Variants in LRRIQ1 observed in about 807,000 individuals in gnomAD.
The protein encoded by LRRIQ1 is leucine-rich repeat- and IQ domain-containing protein 1.
In LRRIQ1, 210 loss-of-function variants were observed where a neutral mutation model predicts 211.9. The observed-to-expected ratio is 0.99, with a 90% CI of 0.89 to 1.11. The LOEUF is 1.11. LRRIQ1 is among the 50% of genes most tolerant of loss of function. The probability of loss-of-function intolerance (pLI) is 0.00; values close to 1 mark genes in which losing one functional copy is unlikely to be tolerated. For missense variants in LRRIQ1, 2,136 were observed against 1,939.5 expected, an observed-to-expected ratio of 1.10 and a Z score of -1.90; for synonymous variants, 699 against 650.1, an observed-to-expected ratio of 1.08 and a Z score of -1.14.
At chr12:85,229,074 T>C (rs978275899) in intron 24 of LRRIQ1, among the ~76,000 whole-genome samples, 1 of 152,154 alleles carries the variant, frequency 6.6e-6, no homozygotes, top group African/African-American at 2.4e-5. Context: ...CTCAGTTTTA[T>C]GTAAATGAAA....
At chr12:85,250,644 G>T (rs1332390005) in intron 1 of LRRIQ1, among the ~76,000 whole-genome samples, 1 of 149,124 alleles carries the variant, frequency 6.7e-6, no homozygotes, top group Non-Finnish European at 1.5e-5. Flanking sequence ...GGAAGCTGAG[G>T]TAGGAGGATC....
intron 26 of LRRIQ1, among the ~76,000 whole-genome samples, chr12:85,235,800 A>G (rs1460885293): frequency 6.6e-6 from 1 of 152,164 alleles, no homozygotes. Flanking sequence ...ATCTCATCCA[A>G]TATTACAATG....
At chr12:85,197,692 T>C (rs1484937743) in intron 24 of LRRIQ1, among the ~76,000 whole-genome samples, 1 of 150,192 alleles carries the variant, frequency 6.7e-6, no homozygotes, top group Non-Finnish European at 1.5e-5. Context: ...GTGGTGGGAG[T>C]GGGGAGGGAT....
In LRRIQ1 at chr12:85,103,145, G is replaced by A. The variant is rs78464450; in HGVS notation, c.3210-859G>A. On this transcript the variant is annotated intron_variant, in intron 13 of 26. Coordinates refer to ENST00000393217, the MANE Select transcript of LRRIQ1 (RefSeq NM_001079910.2). ...AAGTAGAGTTAATTTACCCTTTATA[G>A]CTTTTGTTTCCAATGACGTGGGTAT... 7.5e-3 allele frequency among the ~76,000 whole-genome samples: 1,130 copies of A among 150,140 alleles called. 18 individuals carry two copies. Among genetic ancestry groups the A allele is most frequent in the African/African-American group, 0.026 (1,063 of 41,104 alleles).
downstream of LRRIQ1, among the ~76,000 whole-genome samples, chr12:85,266,693 C>G (rs1807202636): frequency 6.6e-6 from 1 of 152,118 alleles, no homozygotes; most frequent in South Asian, 2.1e-4. Flanking sequence ...CAGTACAGAA[C>G]AATGCATAAG....
chr12:85,097,423 C>A (rs1288417490), intron 11 of LRRIQ1, among the ~76,000 whole-genome samples: 2 of 151,576 alleles, frequency 1.3e-5, no homozygotes, highest in Non-Finnish European at 2.9e-5. Flanking sequence ...CCCACCCTAC[C>A]ACAGGCCCCA....
chr12:85,143,317 T>C (rs1889670472), intron 19 of LRRIQ1, among the ~76,000 whole-genome samples: 1 of 151,704 alleles, frequency 6.6e-6, no homozygotes, highest in Non-Finnish European at 1.5e-5. Flanking sequence ...TGTTGTTTGT[T>C]ATTGAGTTGT....
intron 24 of LRRIQ1, among the ~76,000 whole-genome samples, chr12:85,203,107 C>T (rs889707804): frequency 2.0e-5 from 3 of 152,062 alleles, no homozygotes; most frequent in Admixed American, 6.6e-5. Flanking sequence ...GCAGCTTCCC[C>T]CATAGTGTTC....
chr12:85,262,942 C>T, exon 2 of LRRIQ1: 1 of 986,140 alleles, frequency 1.0e-6, no homozygotes, highest in South Asian at 4.7e-5. Flanking sequence ...ATACCAATAT[C>T]GCCAATAATA....
rs1186744707 is a variant in LRRIQ1, at chr12:85,046,918, C to T, written c.455-329C>T. On this transcript the variant is annotated intron_variant, in intron 5 of 26. Coordinates refer to ENST00000393217, the MANE Select transcript of LRRIQ1 (RefSeq NM_001079910.2). ...ATTGCAAGGACAAAAAACCAAAAAC[C>T]GCATGTTCTCACTCATCGGTGGGAA... Among the ~76,000 whole-genome samples the T allele has an allele frequency of 4.6e-5, 7 of 150,944 alleles. No homozygotes were observed. The South Asian group carries it at 6.3e-4, about 14-fold the overall frequency.
Position 85,229,548 on chromosome 12 carries a change from C to T in LRRIQ1, c.4854C>T (p.Thr1618=). The change falls in exon 25 of 27, where the codon ACC becomes ACT. Residue 1618 remains threonine, a synonymous_variant. Coordinates refer to ENST00000393217, the MANE Select transcript of LRRIQ1 (RefSeq NM_001079910.2). ...GIEEDPIHKD[T]TANEKLERNR... is the part of the protein sequence containing the mutation. ...AAGAAGACCCTATCCACAAAGATAC[C>T]ACTGCAAATGAAAAATTAGAACGGA... is the stretch of plus-strand genomic sequence containing the variant. 1 of 1,611,886 alleles carries T rather than the reference C, an allele frequency of 6.2e-7. No homozygotes were observed. Among genetic ancestry groups the T allele is most frequent in the Non-Finnish European group, 8.5e-7 (1 of 1,178,796 alleles).
rs772640609 is a variant in LRRIQ1, at chr12:85,153,742, A to G, written c.4621A>G (p.Lys1541Glu). Residue 1541 changes from lysine to glutamate, a missense_variant, in exon 22 of 27, where the codon AAA becomes GAA. Transcript: ENST00000393217. ...KSLLKSEKEK[K>E]ISEEWGFKDI... is the part of the protein sequence containing the mutation. ...TTTGCTAAAATCTGAAAAAGAAAAAAAAATTTCAGAAGAATGGTATGTAGT... is the reference window on the plus strand; with the variant it reads ...TTTGCTAAAATCTGAAAAAGAAAAAGAAATTTCAGAAGAATGGTATGTAGT... 1 of 1,561,392 alleles carries G rather than the reference A, an allele frequency of 6.4e-7. No homozygotes were observed. Among genetic ancestry groups the G allele is most frequent in the Non-Finnish European group, 8.7e-7 (1 of 1,152,698 alleles).
Position 85,044,821 on chromosome 12 carries a change from A to G in LRRIQ1, c.336+12A>G, listed in dbSNP as rs767926716. On this transcript the variant is annotated intron_variant, in intron 4 of 26. Transcript: ENST00000393217. ...AGCAATTAATTAAGGTATATATTCAATATTTGACTTAAAATATTCACTATT... is the reference window on the plus strand; with the variant it reads ...AGCAATTAATTAAGGTATATATTCAGTATTTGACTTAAAATATTCACTATT... The G allele has an allele frequency of 6.5e-6, 8 of 1,221,842 alleles. No individual in the cohort carries two copies. Among genetic ancestry groups the G allele is most frequent in the Admixed American group, 1.9e-5 (1 of 51,900 alleles). The allele number at this position is 1,221,842 out of a possible 1,614,324, so 75.7% of individuals were successfully genotyped here. A position where few individuals can be genotyped will look rare whatever the true frequency, so the allele number is the denominator to read the frequency against.
At chr12:85,192,330 C>T (rs576168992) in intron 24 of LRRIQ1, among the ~76,000 whole-genome samples, 2 of 145,910 alleles carry the variant, frequency 1.4e-5, no homozygotes, top group East Asian at 4.0e-4. Flanking sequence ...CTGCAAAGGA[C>T]ATGATCTCAT....
At chr12:85,236,737 C>T (rs1895188286) in intron 26 of LRRIQ1, among the ~76,000 whole-genome samples, 1 of 147,394 alleles carries the variant, frequency 6.8e-6, no homozygotes, top group Admixed American at 6.8e-5. Flanking sequence ...TTTTTGGATA[C>T]ATATATATAT....
intron 24 of LRRIQ1, among the ~76,000 whole-genome samples, chr12:85,162,609 A>G (rs566225247): frequency 6.6e-6 from 1 of 152,326 alleles, no homozygotes; most frequent in African/African-American, 2.4e-5. Context: ...TATAATATGT[A>G]TGTATGATAT....
chr12:85,217,927 A>G (rs1237454183), intron 24 of LRRIQ1, among the ~76,000 whole-genome samples: 1 of 151,432 alleles, frequency 6.6e-6, no homozygotes, highest in Non-Finnish European at 1.5e-5. Flanking sequence ...CCTAGTTTGG[A>G]TGACTTACTA....
At chr12:85,161,897 G>A (rs886985068) in intron 24 of LRRIQ1, among the ~76,000 whole-genome samples, 2 of 151,960 alleles carry the variant, frequency 1.3e-5, no homozygotes, top group African/African-American at 4.8e-5. Flanking sequence ...AAAATTAGCC[G>A]GGCGTGGTGG....
intron 10 of LRRIQ1, among the ~76,000 whole-genome samples, chr12:85,070,090 A>T (rs1405605963): frequency 6.6e-6 from 1 of 152,034 alleles, no homozygotes; most frequent in East Asian, 1.9e-4. Context: ...ACCTAAAACC[A>T]TAAGCTCTGT....
Sources: allele counts gnomAD v4.1 joint callset (sites outside exome capture counted in the v4.1 genomes callset), GRCh38; gene constraint gnomAD v4.1.1; transcripts MANE v1.5; gene names NCBI Gene and HGNC (gene_info 2026-07-23, HGNC 2026-07-21).